Variants in BCL9L observed in about 807,000 individuals in gnomAD.
The protein encoded by BCL9L is B-cell CLL/lymphoma 9-like protein.
In BCL9L, 19 loss-of-function variants were observed where a neutral mutation model predicts 99.4. That is an observed-to-expected ratio of 0.19 (90% CI 0.13 to 0.28). The LOEUF (loss-of-function observed/expected upper bound fraction) is 0.28. BCL9L is among the 10% of genes least tolerant of loss of function. BCL9L has a pLI of 1.00. For missense variants in BCL9L, 2,023 were observed against 2,101.6 expected, an observed-to-expected ratio of 0.96 and a Z score of 0.73; for synonymous variants, 900 against 854.8, an observed-to-expected ratio of 1.05 and a Z score of -0.92.
intron 1 of BCL9L, among the ~76,000 whole-genome samples, chr11:118,924,321 C>T (rs1339792929): frequency 1.3e-5 from 2 of 150,078 alleles, no homozygotes; most frequent in Non-Finnish European, 2.9e-5. Context: ...AGAGGTTCCC[C>T]CAGACACAGA....
intron 2 of BCL9L, among the ~76,000 whole-genome samples, chr11:118,913,318 C>G (rs952969219): frequency 6.6e-6 from 1 of 152,172 alleles, no homozygotes; most frequent in Non-Finnish European, 1.5e-5. Context: ...CCAGACCTTT[C>G]TAGTCTGGGA....
At position 118,898,812 on chromosome 11, in the gene BCL9L, T is replaced by G; in HGVS notation, c.4103A>C (p.Glu1368Ala). The change falls in exon 10 of 10, where the codon GAG becomes GCG. Residue 1368 changes from glutamate to alanine, a missense_variant. Glu to Ala is a moderately radical substitution (Grantham distance 107). Coordinates refer to ENST00000683865, the MANE Select transcript of BCL9L (RefSeq NM_001378213.1). Reference protein sequence around the residue: ...HLMNLQNMMAEQTPSRPPNLP... With the variant: ...HLMNLQNMMAAQTPSRPPNLP... The stretch of plus-strand genomic sequence containing the variant: ...GTTGGGAGGCCGAGAGGGAGTCTGC[T>G]CCGCCATCATGTTCTGCAGGTTCAT... The G allele has an allele frequency of 6.2e-7, 1 of 1,613,994 alleles. No individual in the cohort carries two copies. Among genetic ancestry groups the G allele is most frequent in the Non-Finnish European group, 8.5e-7 (1 of 1,179,994 alleles).
chr11:118,904,627 C>CA (rs1940431861), intron 5 of BCL9L, among the ~76,000 whole-genome samples: 1 of 152,138 alleles, frequency 6.6e-6, no homozygotes, highest in African/African-American at 2.4e-5. Context: ...TGGGTAGACC[C>CA]ATTCGCATGC....
At chr11:118,917,043 G>A (rs1038574127) in intron 2 of BCL9L, among the ~76,000 whole-genome samples, 1 of 152,216 alleles carries the variant, frequency 6.6e-6, no homozygotes, top group Non-Finnish European at 1.5e-5. Context: ...AGGGAGACGT[G>A]TCCTAAGCTC....
chr11:118,908,635 C>T lies in BCL9L; in HGVS notation c.47G>A (p.Arg16Lys), dbSNP rs1403141700. ...CAGCGGCGGGCTCCCTGGAGCTTCTCTCCTCCTGGGGTGGGGTAACCTGGG... is the reference window on the plus strand; with the variant it reads ...CAGCGGCGGGCTCCCTGGAGCTTCTTTCCTCCTGGGGTGGGGTAACCTGGG... ...NKTRLPHPRRREAPGSPPLSP... is the reference protein window; with the variant it reads ...NKTRLPHPRRKEAPGSPPLSP... The change falls in exon 4 of 10, where the codon AGA becomes AAA. Residue 16 changes from arginine to lysine, a missense_variant. This residue lies in a region of BCL9L where 1,116 missense variants were observed against 1,194.6 expected (regional missense o/e 0.93). Transcript: ENST00000683865. 1 of 1,611,340 alleles carries T rather than the reference C, an allele frequency of 6.2e-7. No homozygotes were observed. Among genetic ancestry groups the T allele is most frequent in the African/African-American group, 1.3e-5 (1 of 74,878 alleles).
At chr11:118,911,312 C>T (rs1369287033) in intron 2 of BCL9L, 12 of 452,732 alleles carry the variant, frequency 2.7e-5, no homozygotes, top group Non-Finnish European at 5.3e-5. Flanking sequence ...TCCTGATGCT[C>T]CCTGCGGGGC....
intron 5 of BCL9L, among the ~76,000 whole-genome samples, chr11:118,905,677 C>T (rs960486083): frequency 4.0e-5 from 6 of 151,476 alleles, no homozygotes; most frequent in South Asian, 2.1e-4. Flanking sequence ...ATTAGCCAGG[C>T]GTGGTGGCAG....
chr11:118,924,901 G>T (rs1212503419), intron 1 of BCL9L, among the ~76,000 whole-genome samples: 1 of 152,204 alleles, frequency 6.6e-6, no homozygotes, highest in Non-Finnish European at 1.5e-5. Flanking sequence ...GGTGAGCCTG[G>T]GAGGGGGACT....
chr11:118,912,267 A>C (rs1032333237), intron 2 of BCL9L, among the ~76,000 whole-genome samples: 4 of 152,224 alleles, frequency 2.6e-5, no homozygotes, highest in Non-Finnish European at 4.4e-5. Context: ...TGCTAGTACC[A>C]GGCCAGGGGC....
At position 118,909,910 on chromosome 11, in the gene BCL9L, A is replaced by T; in HGVS notation, c.26+4T>A. The stretch of plus-strand genomic sequence containing the variant: ...ACATCCCACCCGCCACGACACCCAC[A>T]CACCTTGTCTTGTTAGCCAGGATCC... On this transcript the variant is annotated splice_donor_region_variant and intron_variant, in intron 3 of 9. Transcript: ENST00000683865. 6.2e-7 allele frequency: 1 copy of T among 1,613,646 alleles called. No individual in the cohort carries two copies. The highest frequency in any genetic ancestry group is 8.5e-7 in the Non-Finnish European group (1 of 1,179,840).
At chr11:118,919,687 G>T (rs1325889509) in intron 1 of BCL9L, among the ~76,000 whole-genome samples, 1 of 152,132 alleles carries the variant, frequency 6.6e-6, no homozygotes, top group Non-Finnish European at 1.5e-5. Context: ...TCTCCAGCCT[G>T]TGTTCCTCCC....
intron 3 of BCL9L, among the ~76,000 whole-genome samples, chr11:118,909,071 T>C (rs1301180167): frequency 6.6e-6 from 1 of 152,132 alleles, no homozygotes; most frequent in Non-Finnish European, 1.5e-5. Context: ...TCAACTCCCA[T>C]ATGTCCCAAC....
rs1037769250 is a variant in BCL9L at position 118,911,050 on chromosome 11, A to T, written c.-76-1035T>A. On this transcript the variant is annotated intron_variant, in intron 2 of 9. Transcript: ENST00000683865. The stretch of plus-strand genomic sequence containing the variant: ...ACCCATTGAACAGATGAAAAGACTG[A>T]GGCCGGCCACAAGAGAGCCGAAGAA... 8.7e-5 allele frequency: 30 copies of T among 346,084 alleles called. No individual in the cohort carries two copies. The East Asian group carries it at 2.3e-3, about 27-fold the overall frequency. The allele number at this position is 346,084 out of a possible 1,614,324, so 21.4% of individuals were successfully genotyped here.
rs563100062 is a variant in BCL9L at position 118,922,694 on chromosome 11, T to TC, written c.-131+2543dup. Among the ~76,000 whole-genome samples the TC allele has an allele frequency of 3.2e-3, 487 of 151,276 alleles. 1 individual carries two copies. The highest frequency in any genetic ancestry group is 0.012 in the African/African-American group (478 of 41,162). On this transcript the variant is annotated intron_variant, in intron 1 of 9. Coordinates refer to ENST00000683865, the MANE Select transcript of BCL9L (RefSeq NM_001378213.1). The surrounding 1 kb of genome is among the most constrained non-coding windows in gnomAD (Gnocchi z 6.2). Reference sequence around the variant, plus strand: ...ACGGTGCCATCCCCCTTCTGCCCCCTCCCCCCATCGGAGGTCAGCACCCGG... The same window carrying TC: ...ACGGTGCCATCCCCCTTCTGCCCCCTCCCCCCCATCGGAGGTCAGCACCCGG...
chr11:118,918,094 A>T (rs1941021733), intron 2 of BCL9L, among the ~76,000 whole-genome samples: 1 of 152,050 alleles, frequency 6.6e-6, no homozygotes, highest in Non-Finnish European at 1.5e-5. Context: ...GGCTGAGGTG[A>T]GGGGATGAGA....
At position 118,899,217 on chromosome 11, in the gene BCL9L, T is replaced by C. The variant is rs1197415905; in HGVS notation, c.3698A>G (p.Gln1233Arg). 10 of 1,504,566 alleles carry C rather than the reference T, an allele frequency of 6.6e-6. No homozygotes were observed. Among genetic ancestry groups the C allele is most frequent in the Middle Eastern group, 1.8e-4 (1 of 5,556 alleles). The allele number at this position is 1,504,566 out of a possible 1,614,324, so 93.2% of individuals were successfully genotyped here. A position where few individuals can be genotyped will look rare whatever the true frequency, so the allele number is the denominator to read the frequency against. Residue 1233 changes from glutamine to arginine, a missense_variant, in exon 10 of 10, where the codon CAG becomes CGG. By Grantham distance (43) the Gln-to-Arg change is conservative. This residue lies in a region of BCL9L where 902 missense variants were observed against 888.2 expected (regional missense o/e 1.02). Coordinates refer to ENST00000683865, the MANE Select transcript of BCL9L (RefSeq NM_001378213.1). The stretch of plus-strand genomic sequence containing the variant: ...GGGGGCCATGGCACCATGGGGCTGC[T>C]GCAGCCGAGGGGGGAAGGGCATCAT... ...SQMMPFPPRL[Q>R]QPHGAMAPTG...
At chr11:118,909,359 C>A (rs1018399623) in intron 3 of BCL9L, among the ~76,000 whole-genome samples, 2 of 152,328 alleles carry the variant, frequency 1.3e-5, no homozygotes, top group Admixed American at 1.3e-4. Flanking sequence ...CCCGCTCCCC[C>A]CGCCGCCTCC....
intron 2 of BCL9L, among the ~76,000 whole-genome samples, chr11:118,918,477 C>T (rs540978509): frequency 4.9e-5 from 7 of 144,242 alleles, no homozygotes; most frequent in South Asian, 2.5e-4. Context: ...GGCGATTGGG[C>T]GGAATCTCCT....
At chr11:118,924,345 A>G (rs1032158911) in intron 1 of BCL9L, among the ~76,000 whole-genome samples, 1 of 151,386 alleles carries the variant, frequency 6.6e-6, no homozygotes, top group African/African-American at 2.4e-5. Flanking sequence ...AGACACAGAC[A>G]CACACCCCAA....
Sources: allele counts gnomAD v4.1 joint callset (sites outside exome capture counted in the v4.1 genomes callset), GRCh38; gene constraint gnomAD v4.1.1; regional missense constraint gnomAD v4.1.1; non-coding constraint Gnocchi (gnomAD v3.1); transcripts MANE v1.5; gene names NCBI Gene and HGNC (gene_info 2026-07-23, HGNC 2026-07-21).